PXDN: variants seen among roughly 807,000 people sequenced by gnomAD.
PXDN encodes the protein peroxidasin.
PXDN carries 77 observed loss-of-function variants against 140.3 expected under a neutral mutation model. The observed-to-expected ratio is 0.55, with a 90% CI of 0.46 to 0.66. The LOEUF is 0.66. Among genes scored for constraint, PXDN ranks in the 30% least tolerant of loss-of-function variants. The pLI, the probability that PXDN is intolerant of heterozygous loss-of-function variation, is 0.00. For synonymous variants in PXDN, 911 were observed against 857.4 expected, an observed-to-expected ratio of 1.06 and a Z score of -1.09; for missense variants, 1,838 against 2,039.5, an observed-to-expected ratio of 0.90 and a Z score of 1.90.
intron 19 of PXDN, among the ~76,000 whole-genome samples, chr2:1,641,180 T>C (rs2125405429): frequency 6.6e-6 from 1 of 152,354 alleles, no homozygotes; most frequent in Non-Finnish European, 1.5e-5. Context: ...TGAGACAGTT[T>C]CACTCTTGTT....
At chr2:1,705,947 G>T (rs553440564) in intron 1 of PXDN, among the ~76,000 whole-genome samples, 1 of 151,736 alleles carries the variant, frequency 6.6e-6, no homozygotes, top group Non-Finnish European at 1.5e-5. Context: ...CGTCCATTAC[G>T]GCCTCCCCCA....
intron 10 of PXDN, among the ~76,000 whole-genome samples, chr2:1,665,473 T>C (rs1383357146): frequency 6.6e-6 from 1 of 151,444 alleles, no homozygotes; most frequent in Non-Finnish European, 1.5e-5. Flanking sequence ...TAGTGGTTAT[T>C]ATCACTGGAT....
chr2:1,727,425 T>A (rs1409384306), intron 1 of PXDN, among the ~76,000 whole-genome samples: 1 of 152,248 alleles, frequency 6.6e-6, no homozygotes, highest in Non-Finnish European at 1.5e-5. Context: ...CTAGGAGGTT[T>A]GCACGCACAG....
chr2:1,690,644 A>C (rs1251105692), intron 3 of PXDN, among the ~76,000 whole-genome samples: 2 of 146,388 alleles, frequency 1.4e-5, no homozygotes, highest in Non-Finnish European at 3.0e-5. Context: ...AACATTCAAA[A>C]TACCAAAAAA....
chr2:1,640,796 T>C (rs1304899146), intron 19 of PXDN, among the ~76,000 whole-genome samples: 1 of 152,128 alleles, frequency 6.6e-6, no homozygotes, highest in Non-Finnish European at 1.5e-5. Flanking sequence ...GCTGTGCAGG[T>C]CTGGGGTGGG....
At chr2:1,650,886 C>T (rs1683000351) in intron 16 of PXDN, among the ~76,000 whole-genome samples, 1 of 152,046 alleles carries the variant, frequency 6.6e-6, no homozygotes, top group African/African-American at 2.4e-5. Flanking sequence ...ACTATGGACA[C>T]CTTTAAAGAA....
At chr2:1,697,235 T>G (rs1684318762) in intron 1 of PXDN, among the ~76,000 whole-genome samples, 1 of 152,198 alleles carries the variant, frequency 6.6e-6, no homozygotes, top group African/African-American at 2.4e-5. Context: ...ACTATGTATA[T>G]TTTTAAGTGT....
intron 1 of PXDN, among the ~76,000 whole-genome samples, chr2:1,729,567 GGGA>G (rs1185287808): frequency 1.3e-5 from 2 of 151,060 alleles, no homozygotes; most frequent in African/African-American, 4.9e-5. Context: ...AGCAGGGTGG[GGGA>G]GGGGGGTGAG....
chr2:1,663,212 G>C (rs1683346880), intron 12 of PXDN, among the ~76,000 whole-genome samples: 1 of 152,126 alleles, frequency 6.6e-6, no homozygotes, highest in Non-Finnish European at 1.5e-5. Context: ...ACATCATCTG[G>C]GGTCTGTGCC....
intron 10 of PXDN, among the ~76,000 whole-genome samples, chr2:1,665,604 A>G (rs760917704): frequency 1.8e-4 from 27 of 152,258 alleles, no homozygotes; most frequent in Non-Finnish European, 3.4e-4. Context: ...GATTCTCGAC[A>G]GATTGCCAGT....
intron 1 of PXDN, among the ~76,000 whole-genome samples, chr2:1,739,089 A>G (rs1223713242): frequency 6.6e-6 from 1 of 152,132 alleles, no homozygotes; most frequent in Non-Finnish European, 1.5e-5. Flanking sequence ...TGGCCCCGGA[A>G]GGTAGTCATG....
chr2:1,675,618 C>T (rs1263692613), intron 8 of PXDN, among the ~76,000 whole-genome samples: 3 of 152,168 alleles, frequency 2.0e-5, no homozygotes, highest in Admixed American at 1.3e-4. Flanking sequence ...ACAAACCTCC[C>T]ATGTCCTCTT....
In PXDN at chr2:1,714,404, G is replaced by C. The variant is rs1684850749; in HGVS notation, c.201-21270C>G. ...GTCTTGCCTCTGCCAAGAAGATGGGGCTACTGTGGGAGCAGGGACCCTGCC... is the reference window on the plus strand; with the variant it reads ...GTCTTGCCTCTGCCAAGAAGATGGGCCTACTGTGGGAGCAGGGACCCTGCC... On this transcript the variant is annotated intron_variant, in intron 1 of 22. Coordinates refer to ENST00000252804, the MANE Select transcript of PXDN (RefSeq NM_012293.3). This position sits in a 1 kb window ranked among gnomAD's most constrained non-coding sequence, Gnocchi z 4.3. Among the ~76,000 whole-genome samples the C allele has an allele frequency of 6.6e-6, 1 of 152,156 alleles. No homozygotes were observed. Among genetic ancestry groups the C allele is most frequent in the Non-Finnish European group, 1.5e-5 (1 of 68,030 alleles).
At chr2:1,638,200 G>C (rs963198933) in intron 21 of PXDN, among the ~76,000 whole-genome samples, 3 of 152,126 alleles carry the variant, frequency 2.0e-5, no homozygotes, top group Non-Finnish European at 4.4e-5. Flanking sequence ...CCACACCAGC[G>C]GAGTGAGCGC....
Position 1,631,996 on chromosome 2 carries a change from T to C in PXDN, c.*2208A>G, listed in dbSNP as rs891829550. On this transcript the variant is annotated 3_prime_UTR_variant, in exon 23 of 23. Coordinates refer to ENST00000252804, the MANE Select transcript of PXDN (RefSeq NM_012293.3). ...AATGGTCATAAAAAAGGCATTTGGC[T>C]GTTGGAGCAGTTAGAAAAGTAAATA... 1.3e-5 allele frequency: 2 copies of C among 152,682 alleles called. No homozygotes were observed. The highest frequency in any genetic ancestry group is 2.9e-5 in the Non-Finnish European group (2 of 68,048). The allele number at this position is 152,682 out of a possible 1,614,324, so 9.5% of individuals were successfully genotyped here.
Position 1,687,324 on chromosome 2 carries a change from T to C in PXDN, c.416+308A>G, listed in dbSNP as rs1684083894. 6.6e-6 allele frequency among the ~76,000 whole-genome samples: 1 copy of C among 152,120 alleles called. No homozygotes were observed. Among genetic ancestry groups the C allele is most frequent in the Non-Finnish European group, 1.5e-5 (1 of 68,020 alleles). ...GCGCCTGCCTGTCTCTCCTCTAAGT[T>C]GTGACAGGGATTCCATCGATATTAC... On this transcript the variant is annotated intron_variant, in intron 4 of 22. Transcript: ENST00000252804. The surrounding 1 kb of genome is among the most constrained non-coding windows in gnomAD (Gnocchi z 4.0).
Position 1,635,475 on chromosome 2 carries a change from G to A in PXDN, c.4253C>T (p.Ala1418Val). 1 of 1,601,184 alleles carries A rather than the reference G, an allele frequency of 6.2e-7. No individual in the cohort carries two copies. Among genetic ancestry groups the A allele is most frequent in the Non-Finnish European group, 8.5e-7 (1 of 1,173,248 alleles). The stretch of plus-strand genomic sequence containing the variant: ...GTTGTTGGCGTGAGATTCGCCCCCG[G>A]CATCCACGCACTCTGTGGTACTGAG... ...SRLSTTECVD[A>V]GGESHANNTK... Residue 1418 changes from alanine (A) to valine (V), a missense_variant, in exon 22 of 23, where the codon GCC becomes GTC. By Grantham distance (64) the Ala-to-Val change is moderately conservative. Coordinates refer to ENST00000252804, the MANE Select transcript of PXDN (RefSeq NM_012293.3).
intron 1 of PXDN, among the ~76,000 whole-genome samples, chr2:1,729,204 C>G (rs1211886668): frequency 6.6e-6 from 1 of 152,110 alleles, no homozygotes; most frequent in Non-Finnish European, 1.5e-5. Context: ...CAGGGCATAC[C>G]GAAAATCAAA....
In PXDN at chr2:1,633,011, A is replaced by G. The variant is rs1427019361; in HGVS notation, c.*1193T>C. On this transcript the variant is annotated 3_prime_UTR_variant, in exon 23 of 23. Coordinates refer to ENST00000252804, the MANE Select transcript of PXDN (RefSeq NM_012293.3). ...AAAATGGAAGGTTTTGGTCAATTAA[A>G]GAGAGACCATGAGGTATGAGAGTTG... The G allele has an allele frequency of 2.6e-5, 4 of 152,652 alleles. No homozygotes were observed. Among genetic ancestry groups the G allele is most frequent in the African/African-American group, 9.7e-5 (4 of 41,450 alleles). 9.5% of individuals were successfully genotyped at this position (152,652 alleles called of 1,614,324 possible).
Sources: gnomAD v4.1 joint callset for allele counts (sites outside exome capture counted in the v4.1 genomes callset) on GRCh38, gnomAD v4.1.1 for gene constraint, Gnocchi (gnomAD v3.1) non-coding constraint, MANE v1.5 for transcripts, NCBI Gene and HGNC (gene_info 2026-07-23, HGNC 2026-07-21) for gene names.